The following SLC7A1 variants were observed in gnomAD, a reference collection of about 807,000 sequenced individuals.
SLC7A1 encodes high affinity cationic amino acid transporter 1.
SLC7A1 carries 10 observed loss-of-function variants against 53.9 expected under a neutral mutation model. The ratio of observed to expected loss-of-function variants is 0.19; its 90% CI spans 0.11 to 0.31. The LOEUF (loss-of-function observed/expected upper bound fraction) is 0.31, where lower values mean the gene tolerates loss of function less well. SLC7A1 is among the 10% of genes least tolerant of loss of function. The probability of loss-of-function intolerance (pLI) is 1.00; values close to 1 mark genes in which losing one functional copy is unlikely to be tolerated. For missense variants in SLC7A1, 525 were observed against 827.2 expected (o/e 0.63, Z 4.48); for synonymous variants, 342 against 338.7 (o/e 1.01, Z -0.11).
chr13:29,532,803 CTT>C lies in SLC7A1; in HGVS notation c.529+19_529+20del, dbSNP rs771193293. Reference sequence around the variant, plus strand: ...TTTGCCCATCACTCTGACCCGATCTCTTTTTAAGTGTGGGCTTTACCTGTCAA... The same window carrying C: ...TTTGCCCATCACTCTGACCCGATCTCTTTAAGTGTGGGCTTTACCTGTCAA... On this transcript the variant is annotated intron_variant, in intron 4 of 12. Coordinates refer to ENST00000380752, the MANE Select transcript of SLC7A1 (RefSeq NM_003045.5). 1.9e-6 allele frequency: 3 copies of C among 1,604,100 alleles called. No individual in the cohort carries two copies. The Admixed American group carries it at 5.0e-5, about 27-fold the overall frequency.
In SLC7A1 at chr13:29,587,481, G is replaced by C. The variant is rs745965869; in HGVS notation, c.-115+7935C>G. On this transcript the variant is annotated intron_variant, in intron 1 of 12. Coordinates refer to ENST00000380752, the MANE Select transcript of SLC7A1 (RefSeq NM_003045.5). ...ATTTCTTCCGTAGCCCACTGGTAGGGGCCAAGAGGCTCATTAAAAGGCAAG... is the reference window on the plus strand; with the variant it reads ...ATTTCTTCCGTAGCCCACTGGTAGGCGCCAAGAGGCTCATTAAAAGGCAAG... 9.2e-5 allele frequency among the ~76,000 whole-genome samples: 14 copies of C among 152,242 alleles called. No homozygotes were observed. In the South Asian group the frequency reaches 1.0e-3, roughly 11 times the overall value.
chr13:29,517,416 C>T (rs559337579), intron 10 of SLC7A1, 106 bp from the exon 11 acceptor site: 11 of 1,314,336 alleles, frequency 8.4e-6, no homozygotes, highest in East Asian at 4.6e-5. Context: ...GCTCCATTTC[C>T]GAAGGCACAA....
At chr13:29,515,921 C>T (rs1267694944) in intron 12 of SLC7A1, among the ~76,000 whole-genome samples, 1 of 152,258 alleles carries the variant, frequency 6.6e-6, no homozygotes, top group East Asian at 1.9e-4. Context: ...CTGTTAATAT[C>T]AAGGTCTTGC....
At chr13:29,588,743 G>C (rs1871989926) in intron 1 of SLC7A1, among the ~76,000 whole-genome samples, 1 of 152,118 alleles carries the variant, frequency 6.6e-6, no homozygotes. Context: ...GGCCTCAAGT[G>C]ATCTGTTTGC....
At chr13:29,576,963 G>T (rs1373613601) in intron 1 of SLC7A1, among the ~76,000 whole-genome samples, 1 of 152,144 alleles carries the variant, frequency 6.6e-6, no homozygotes, top group Non-Finnish European at 1.5e-5. Flanking sequence ...CTGGGTCAGA[G>T]GGGCCCTGGT....
chr13:29,554,230 G>C (rs1870332024), intron 1 of SLC7A1, among the ~76,000 whole-genome samples: 1 of 152,210 alleles, frequency 6.6e-6, no homozygotes. Context: ...CGCCATGAAG[G>C]GGAACGAGTC....
chr13:29,516,999 C>G (rs1171603815), intron 11 of SLC7A1, 145 bp downstream of exon 11: 5 of 679,606 alleles, frequency 7.4e-6, no homozygotes, highest in Non-Finnish European at 1.2e-5. Context: ...GCCTTCAGGA[C>G]CCCTGCCCCA....
intron 2 of SLC7A1, among the ~76,000 whole-genome samples, chr13:29,549,079 C>T (rs1870056499): frequency 6.6e-6 from 1 of 152,208 alleles, no homozygotes; most frequent in African/African-American, 2.4e-5. Context: ...TCAACAAGTA[C>T]TGGTTGTACT....
At chr13:29,571,472 G>A (rs533877696) in intron 1 of SLC7A1, among the ~76,000 whole-genome samples, 11 of 152,358 alleles carry the variant, frequency 7.2e-5, no homozygotes, top group African/African-American at 2.4e-4. Flanking sequence ...GCAGGGTGGT[G>A]AAGAGCTGGC....
At chr13:29,590,033 G>C (rs1289623816) in intron 1 of SLC7A1, among the ~76,000 whole-genome samples, 1 of 152,200 alleles carries the variant, frequency 6.6e-6, no homozygotes, top group Non-Finnish European at 1.5e-5. Context: ...TGGCCTAACA[G>C]ACTTTGGCTA....
At chr13:29,586,489 G>A (rs1453864605) in intron 1 of SLC7A1, among the ~76,000 whole-genome samples, 1 of 152,122 alleles carries the variant, frequency 6.6e-6, no homozygotes, top group Non-Finnish European at 1.5e-5. Flanking sequence ...GCACCCAGAT[G>A]GTTTCACTTT....
chr13:29,530,390 A>G, intron 5 of SLC7A1, 148 bp downstream of exon 5: 1 of 730,722 alleles, frequency 1.4e-6, no homozygotes. Flanking sequence ...ACCCTCAGCT[A>G]CTTCACTGCA....
At chr13:29,522,582 C>CA in intron 7 of SLC7A1, 126 bp from the exon 8 acceptor site, 1 of 957,526 alleles carries the variant, frequency 1.0e-6, no homozygotes, top group Non-Finnish European at 1.6e-6. Context: ...TGCCGTCCCT[C>CA]CACGCTGGGT....
intron 12 of SLC7A1, 81 bp from the exon 13 acceptor site, chr13:29,514,664 C>T (rs1419184668): frequency 3.8e-6 from 4 of 1,046,224 alleles, no homozygotes; most frequent in Non-Finnish European, 5.6e-6. Flanking sequence ...CAGGGCGGTC[C>T]CACAGCAAAC....
At chr13:29,573,367 GGAGAA>G (rs1871278371) in intron 1 of SLC7A1, among the ~76,000 whole-genome samples, 1 of 152,144 alleles carries the variant, frequency 6.6e-6, no homozygotes, top group African/African-American at 2.4e-5. Context: ...GAGATCCCTG[GGAGAA>G]AAGAAGGCAG....
At chr13:29,517,900 T>G in intron 9 of SLC7A1, 110 bp from the exon 10 acceptor site, 1 of 793,998 alleles carries the variant, frequency 1.3e-6, no homozygotes, top group Non-Finnish European at 2.1e-6. Context: ...ACACAAGGTA[T>G]AAAATGGGAA....
chr13:29,559,629 A>G (rs1221171785), intron 1 of SLC7A1, among the ~76,000 whole-genome samples: 3 of 151,984 alleles, frequency 2.0e-5, no homozygotes, highest in Non-Finnish European at 4.4e-5. Context: ...CTGAAGCTAC[A>G]CTAAATGTGT....
chr13:29,525,354 C>T (rs1274851012), intron 5 of SLC7A1, among the ~76,000 whole-genome samples: 1 of 152,190 alleles, frequency 6.6e-6, no homozygotes, highest in East Asian at 1.9e-4. Flanking sequence ...CACCACCCAC[C>T]TCTGTTGCCC....
chr13:29,557,756 GA>G (rs2139143104), intron 1 of SLC7A1, among the ~76,000 whole-genome samples: 2 of 112,766 alleles, frequency 1.8e-5, no homozygotes, highest in Non-Finnish European at 3.7e-5. Context: ...GAATGTGAGG[GA>G]GGAGTGAATA....
Sources: allele counts gnomAD v4.1 joint callset (sites outside exome capture counted in the v4.1 genomes callset), GRCh38; gene constraint gnomAD v4.1.1; transcripts MANE v1.5; gene names NCBI Gene and HGNC (gene_info 2026-07-23, HGNC 2026-07-21).